TMC8: variants seen among roughly 807,000 people sequenced by gnomAD.
TMC8 encodes the protein transmembrane channel like 8, also known as transmembrane channel-like protein 8.
Under a neutral mutation model 76.0 loss-of-function variants are expected in TMC8, and 71 were observed. The ratio of observed to expected loss-of-function variants is 0.93; its 90% confidence interval spans 0.77 to 1.14. The LOEUF (loss-of-function observed/expected upper bound fraction) is 1.14. Ranked by LOEUF, TMC8 falls within the 50% of genes most tolerant of loss-of-function variation. TMC8 has a pLI of 0.00. For missense variants in TMC8, 924 were observed against 947.9 expected (o/e 0.97, Z 0.33); for synonymous variants, 433 against 433.8 (o/e 1.00, Z 0.02).
At position 78,139,230 on chromosome 17, in the gene TMC8, A is replaced by AC. The variant is rs2075313435; in HGVS notation, c.1892_1893insC (p.Gln631HisfsTer180). 1 of 1,613,454 alleles carries AC rather than the reference A, an allele frequency of 6.2e-7. No homozygotes were observed. The highest frequency in any genetic ancestry group is 8.5e-7 in the Non-Finnish European group (1 of 1,180,024). ...AGGGCCATCCACAGGCTCCGGAAGCAGCTGGTGTGGGTGAGTGTCCTCGGG... is the reference window on the plus strand; with the variant it reads ...AGGGCCATCCACAGGCTCCGGAAGCACGCTGGTGTGGGTGAGTGTCCTCGGG... On this transcript the variant is annotated frameshift_variant, in exon 15 of 16. Coordinates refer to ENST00000318430, the MANE Select transcript of TMC8 (RefSeq NM_152468.5). LOFTEE classifies it low-confidence loss of function (END_TRUNC).
chr17:78,136,824 G>C (rs891784173), intron 9 of TMC8: 6 of 336,820 alleles, frequency 1.8e-5, no homozygotes, highest in Non-Finnish European at 5.8e-6. Context: ...CACTTTGGGA[G>C]GCCAAGGCGG....
At chr17:78,140,427 C>T (rs555362141) in intron 15 of TMC8, among the ~76,000 whole-genome samples, 1 of 151,674 alleles carries the variant, frequency 6.6e-6, no homozygotes, top group South Asian at 2.1e-4. Flanking sequence ...AGGGTGGGGC[C>T]TCTACCGGGG....
chr17:78,136,163 C>T (rs917422322), intron 9 of TMC8, among the ~76,000 whole-genome samples: 3 of 152,088 alleles, frequency 2.0e-5, no homozygotes, highest in African/African-American at 7.2e-5. Context: ...GGAATGTTCA[C>T]CCTTAGAGAT....
chr17:78,136,336 G>T (rs1015507615), intron 9 of TMC8, among the ~76,000 whole-genome samples: 8 of 151,998 alleles, frequency 5.3e-5, no homozygotes, highest in African/African-American at 1.9e-4. Flanking sequence ...CATGATGAAA[G>T]ACTAGGACAC....
chr17:78,132,420 C>T lies in TMC8; in HGVS notation c.360C>T (p.Asn120=), dbSNP rs371869174. 5.0e-6 allele frequency: 8 copies of T among 1,612,656 alleles called. No homozygotes were observed. Among genetic ancestry groups the T allele is most frequent in the Admixed American group, 1.7e-5 (1 of 59,910 alleles). ...TCCTCCGCTTCCTGCTGCTACTCAA[C>T]CTGCTGAGCCTGCTGCTCACCGCAA... ...FTFLRFLLLL[N]LLSLLLTASF... The change falls in exon 4 of 16, where the codon AAC becomes AAT. Residue 120 remains asparagine, a synonymous_variant. Coordinates refer to ENST00000318430, the MANE Select transcript of TMC8 (RefSeq NM_152468.5).
chr17:78,134,915 G>A lies in TMC8; in HGVS notation c.1033G>A (p.Ala345Thr), dbSNP rs141819789. ...CCAGTACCTGCCCCCTGGGGTCATCGCCCTGGTCAACTTCCTGGGTCCCCT... is the reference window on the plus strand; with the variant it reads ...CCAGTACCTGCCCCCTGGGGTCATCACCCTGGTCAACTTCCTGGGTCCCCT... ...LLQYLPPGVI[A>T]LVNFLGPLLF... is the part of the protein sequence containing the mutation. The change falls in exon 9 of 16, where the codon GCC becomes ACC. Residue 345 changes from alanine to threonine, a missense_variant. Ala to Thr is a moderately conservative substitution (Grantham distance 58, BLOSUM62 0). Coordinates refer to ENST00000318430, the MANE Select transcript of TMC8 (RefSeq NM_152468.5). 21 of 1,613,942 alleles carry A rather than the reference G, an allele frequency of 1.3e-5. No homozygotes were observed. Among genetic ancestry groups the A allele is most frequent in the South Asian group, 5.5e-5 (5 of 91,080 alleles).
In TMC8 at chr17:78,137,090, A is replaced by G. The variant is rs578183983; in HGVS notation, c.1128-145A>G. Reference sequence around the variant, plus strand: ...ACTCTGAGAACGCACTTTGGACCACATTGCCACAGACAGAGCAGGTTGGAA... The same window carrying G: ...ACTCTGAGAACGCACTTTGGACCACGTTGCCACAGACAGAGCAGGTTGGAA... On this transcript the variant is annotated intron_variant, in intron 9 of 15. Coordinates refer to ENST00000318430, the MANE Select transcript of TMC8 (RefSeq NM_152468.5). The G allele has an allele frequency of 9.9e-6, 13 of 1,306,872 alleles. No individual in the cohort carries two copies. The African/African-American group carries it at 1.6e-4, about 16-fold the overall frequency. 81.0% of individuals were successfully genotyped at this position (1,306,872 alleles called of 1,614,324 possible).
Position 78,132,653 on chromosome 17 carries a change from T to C in TMC8, c.449-135T>C. 4.0e-6 allele frequency: 6 copies of C among 1,491,884 alleles called. No individual in the cohort carries two copies. The South Asian group carries it at 6.9e-5, about 17-fold the overall frequency. 92.4% of individuals were successfully genotyped at this position (1,491,884 alleles called of 1,614,324 possible). A position where few individuals can be genotyped will look rare whatever the true frequency, so the allele number is the denominator to read the frequency against. On this transcript the variant is annotated intron_variant, in intron 4 of 15. Transcript: ENST00000318430. ...GCTCTCTCTCCCTGACCTCGCCTTGTGTGGGGCACGCCTTTGGCACATCCT... is the reference window on the plus strand; with the variant it reads ...GCTCTCTCTCCCTGACCTCGCCTTGCGTGGGGCACGCCTTTGGCACATCCT...
Position 78,140,849 on chromosome 17 carries a change from T to C in TMC8, c.1918T>C (p.Trp640Arg). Reference protein sequence around the residue: ...KQLVWQVQEKWHLVEDLSRLL... With the variant: ...KQLVWQVQEKRHLVEDLSRLL... ...CTCCTCACAGCAGGTTCAGGAGAAG[T>C]GGCACCTGGTGGAGGACCTGTCGCG... is the stretch of plus-strand genomic sequence containing the variant. The change falls in exon 16 of 16, where the codon TGG (tryptophan) becomes CGG (arginine). Residue 640 changes from tryptophan to arginine, a missense_variant. By Grantham distance (101) the Trp-to-Arg change is moderately radical. Transcript: ENST00000318430. The C allele has an allele frequency of 6.2e-7, 1 of 1,609,158 alleles. No individual in the cohort carries two copies. Among genetic ancestry groups the C allele is most frequent in the East Asian group, 2.2e-5 (1 of 44,664 alleles).
At position 78,131,445 on chromosome 17, in the gene TMC8, G is replaced by A. The variant is rs891093753; in HGVS notation, c.-144G>A. ...GGGCTGCAGGAGCCCAGGCCCCGAC[G>A]CCGGCGCAGAGGGGACGGAAGGGCC... On this transcript the variant is annotated 5_prime_UTR_variant, in exon 2 of 16. Coordinates refer to ENST00000318430, the MANE Select transcript of TMC8 (RefSeq NM_152468.5). 3 of 1,214,076 alleles carry A rather than the reference G, an allele frequency of 2.5e-6. No individual in the cohort carries two copies. Among genetic ancestry groups the A allele is most frequent in the Non-Finnish European group, 3.5e-6 (3 of 863,140 alleles). The allele number at this position is 1,214,076 out of a possible 1,614,324, so 75.2% of individuals were successfully genotyped here.
At chr17:78,132,327 C>G in intron 3 of TMC8, 32 bp from the exon 4 acceptor site, 2 of 1,611,638 alleles carry the variant, frequency 1.2e-6, no homozygotes, top group Non-Finnish European at 1.7e-6. Context: ...CCGGCCCCGG[C>G]CTCCCTGACC....
At chr17:78,137,892 G>A in intron 11 of TMC8, 78 bp downstream of exon 11, 1 of 1,597,182 alleles carries the variant, frequency 6.3e-7, no homozygotes, top group Non-Finnish European at 8.5e-7. Context: ...TACAGCCAAG[G>A]GTGAGCGGGT....
chr17:78,131,801 G>A, intron 2 of TMC8, 64 bp downstream of exon 2: 1 of 1,527,944 alleles, frequency 6.5e-7, no homozygotes, highest in Non-Finnish European at 8.8e-7. Flanking sequence ...CCCGTCGGAT[G>A]GTGTGGGAGC....
At chr17:78,132,098 G>A (rs1180557482) in intron 3 of TMC8, 68 bp downstream of exon 3, 2 of 1,532,176 alleles carry the variant, frequency 1.3e-6, no homozygotes, top group African/African-American at 2.7e-5. Flanking sequence ...TCGGAAAAAG[G>A]AGAGTGGCAT....
Position 78,141,547 on chromosome 17 carries a change from G to A in TMC8, c.*435G>A, listed in dbSNP as rs2075372639. ...AAAGAGCTGGCCACAGTTAGAGCAA[G>A]CCTGCCTGGGGCCCTGCTCTGTGTT... On this transcript the variant is annotated 3_prime_UTR_variant, in exon 16 of 16. Coordinates refer to ENST00000318430, the MANE Select transcript of TMC8 (RefSeq NM_152468.5). 1 of 154,316 alleles carries A rather than the reference G, an allele frequency of 6.5e-6. No homozygotes were observed. Among genetic ancestry groups the A allele is most frequent in the South Asian group, 2.1e-4 (1 of 4,874 alleles). The allele number at this position is 154,316 out of a possible 1,614,324, so 9.6% of individuals were successfully genotyped here.
chr17:78,139,728 TAAAAAAAA>T (rs34917993), intron 15 of TMC8, among the ~76,000 whole-genome samples: 1 of 62,768 alleles, frequency 1.6e-5, no homozygotes, highest in Non-Finnish European at 3.0e-5. Flanking sequence ...CGTCTCTACT[TAAAAAAAA>T]AAAAAAAAAA....
In TMC8 at chr17:78,132,345, C is replaced by T. The variant is rs200278176; in HGVS notation, c.299-14C>T. 139 of 1,612,540 alleles carry T rather than the reference C, an allele frequency of 8.6e-5. No homozygotes were observed. Among genetic ancestry groups the T allele is most frequent in the Admixed American group, 4.7e-4 (28 of 59,986 alleles). On this transcript the variant is annotated splice_polypyrimidine_tract_variant and intron_variant, in intron 3 of 15. Coordinates refer to ENST00000318430, the MANE Select transcript of TMC8 (RefSeq NM_152468.5). ...GCCCCGGCCTCCCTGACCCACCCTG[C>T]TCTCCCACTGCAGGCCTCTTCGGCA...
chr17:78,135,796 G>A (rs139555116), intron 9 of TMC8, among the ~76,000 whole-genome samples: 5,206 of 152,286 alleles, frequency 0.034, 109 homozygotes, highest in South Asian at 0.047. Context: ...GGTGGCTCAC[G>A]CCTGTAATCC....
chr17:78,138,063 C>G lies in TMC8; in HGVS notation c.1408C>G (p.Leu470Val). 6.2e-7 allele frequency: 1 copy of G among 1,614,058 alleles called. No homozygotes were observed. The highest frequency in any genetic ancestry group is 8.5e-7 in the Non-Finnish European group (1 of 1,180,016). The change falls in exon 12 of 16, where the codon CTG becomes GTG. Residue 470 changes from leucine (L) to valine (V), a missense_variant. Leu to Val is a conservative substitution (Grantham distance 32). Transcript: ENST00000318430. ...FWAWLEREEF[L>V]VPKNVLDIVA... ...GGCCTGGCTGGAACGGGAGGAGTTC[C>G]TGGTCCCCAAGAATGTGCTGGACAT...
Sources: allele counts gnomAD v4.1 joint callset (sites outside exome capture counted in the v4.1 genomes callset), GRCh38; gene constraint gnomAD v4.1.1; transcripts MANE v1.5; gene names NCBI Gene and HGNC (gene_info 2026-07-23, HGNC 2026-07-21).